The following PTPRH variants were observed in gnomAD, a reference collection of about 807,000 sequenced individuals.
PTPRH encodes protein tyrosine phosphatase receptor type H.
PTPRH carries 113 observed loss-of-function variants against 130.2 expected under a neutral mutation model. The observed-to-expected ratio is 0.87, with a 90% CI of 0.75 to 1.01. The LOEUF (loss-of-function observed/expected upper bound fraction) is 1.01. Among genes scored for constraint, PTPRH ranks in the 50% least tolerant of loss-of-function variants. The pLI, the probability that PTPRH is intolerant of heterozygous loss-of-function variation, is 0.00. For synonymous variants in PTPRH, 556 were observed against 577.9 expected (o/e 0.96, Z 0.54); for missense variants, 1,430 against 1,425.0 (o/e 1.00, Z -0.06).
chr19:55,196,404 A>G, intron 10 of PTPRH, 118 bp downstream of exon 10: 2 of 1,307,088 alleles, frequency 1.5e-6, no homozygotes, highest in Non-Finnish European at 1.0e-6. Flanking sequence ...ACAAAATAAA[A>G]AAGATGTTTC....
intron 8 of PTPRH, 32 bp from the exon 9 acceptor site, chr19:55,197,448 A>G: frequency 6.3e-7 from 1 of 1,584,672 alleles, no homozygotes. Flanking sequence ...CTAAGGGGGT[A>G]TCCTCGAAGA....
intron 18 of PTPRH, 69 bp from the exon 19 acceptor site, chr19:55,182,220 G>A (rs2086198235): frequency 1.6e-5 from 24 of 1,526,764 alleles, no homozygotes; most frequent in Non-Finnish European, 2.1e-5. Flanking sequence ...TGGCTGATTG[G>A]AGGGATCTGT....
chr19:55,197,268 A>G lies in PTPRH; in HGVS notation c.1839T>C (p.Asp613=), dbSNP rs765211050. 1.2e-6 allele frequency: 2 copies of G among 1,614,020 alleles called. No homozygotes were observed. The highest frequency in any genetic ancestry group is 1.7e-6 in the Non-Finnish European group (2 of 1,180,032). ...ASKGHPRRGQ[D]PQANWVNQTS... is the part of the protein sequence containing the mutation. ...TCTGGTTGACCCAATTCGCTTGGGG[A>G]TCTTGCCCCCTCCGGGGATGTCCCT... is the stretch of plus-strand genomic sequence containing the variant. The change falls in exon 9 of 20, where the codon GAT becomes GAC. Residue 613 remains aspartate, a synonymous_variant. Transcript: ENST00000376350.
Position 55,196,604 on chromosome 19 carries a change from C to G in PTPRH, c.2175G>C (p.Arg725=). 6.2e-7 allele frequency: 1 copy of G among 1,613,816 alleles called. No individual in the cohort carries two copies. Among genetic ancestry groups the G allele is most frequent in the South Asian group, 1.1e-5 (1 of 91,046 alleles). The stretch of plus-strand genomic sequence containing the variant: ...TGGTCGTGATGGTGGCTGGGTAGGA[C>G]CGAGCCGGCCCGAGACCCAACACAG... ...AVSVLGLGPA[R]SYPATITTIW... Residue 725 remains arginine, a synonymous_variant, in exon 10 of 20, where the codon CGG becomes CGC. Transcript: ENST00000376350.
intron 10 of PTPRH, among the ~76,000 whole-genome samples, chr19:55,194,839 G>A (rs2086639075): frequency 6.6e-6 from 1 of 152,126 alleles, no homozygotes; most frequent in African/African-American, 2.4e-5. Context: ...TACCCATAAT[G>A]GTCAAAAGTG....
intron 12 of PTPRH, among the ~76,000 whole-genome samples, chr19:55,190,560 A>G (rs913037543): frequency 6.9e-5 from 9 of 129,900 alleles, no homozygotes; most frequent in South Asian, 2.2e-4. Flanking sequence ...AATATATTAT[A>G]TATATAACAT....
At chr19:55,205,694 C>T (rs1229557161) in intron 3 of PTPRH, 102 bp from the exon 4 acceptor site, 3 of 1,536,170 alleles carry the variant, frequency 2.0e-6, no homozygotes, top group Non-Finnish European at 2.6e-6. Flanking sequence ...GCAGGGAGGC[C>T]CAGCTCTGCA....
rs2086199825 is a variant in PTPRH, at chr19:55,182,279, ACTT to A, written c.3063-131_3063-129del. 67 of 1,162,102 alleles carry A rather than the reference ACTT, an allele frequency of 5.8e-5. No homozygotes were observed. The South Asian group carries it at 1.0e-3, about 18-fold the overall frequency. 72.0% of individuals were successfully genotyped at this position (1,162,102 alleles called of 1,614,324 possible). A position where few individuals can be genotyped will look rare whatever the true frequency, so the allele number is the denominator to read the frequency against. On this transcript the variant is annotated intron_variant, in intron 18 of 19. Coordinates refer to ENST00000376350, the MANE Select transcript of PTPRH (RefSeq NM_002842.5). ...GCCTGCTCACACCTGTAATCCCAGCACTTTGGGAGGCTGAGGCCGGTGGATCAC... is the reference window on the plus strand; with the variant it reads ...GCCTGCTCACACCTGTAATCCCAGCATGGGAGGCTGAGGCCGGTGGATCAC...
rs750469902 is a variant in PTPRH, at chr19:55,186,343, T to C, written c.2660A>G (p.Gln887Arg). The change falls in exon 16 of 20, where the codon CAG (glutamine) becomes CGG (arginine). Residue 887 changes from glutamine (Q) to arginine (R), a missense_variant. Coordinates refer to ENST00000376350, the MANE Select transcript of PTPRH (RefSeq NM_002842.5). ...GGGACCCTGGGTTGCAATGAACTCC[T>C]GGGGGCTCCAGAGACCCTGGTTGAG... Reference protein sequence around the residue: ...ASFMPGLWSPQEFIATQGPLP... With the variant: ...ASFMPGLWSPREFIATQGPLP... 5.6e-6 allele frequency: 9 copies of C among 1,613,754 alleles called. No individual in the cohort carries two copies. The highest frequency in any genetic ancestry group is 1.7e-6 in the Non-Finnish European group (2 of 1,179,888).
intron 7 of PTPRH, among the ~76,000 whole-genome samples, chr19:55,199,417 C>T (rs1447673617): frequency 2.6e-5 from 4 of 152,132 alleles, no homozygotes; most frequent in Admixed American, 1.3e-4. Context: ...CAAGCTTGGG[C>T]AACATGGCAA....
intron 18 of PTPRH, among the ~76,000 whole-genome samples, chr19:55,184,765 C>T (rs527844564): frequency 2.8e-4 from 42 of 150,702 alleles, no homozygotes; most frequent in Non-Finnish European, 5.0e-4. Flanking sequence ...CCACCCTGGG[C>T]GACAGGGAGA....
rs2122375074 is a variant in PTPRH at position 55,207,343 on chromosome 19, C to CTA, written c.52-145_52-144insTA. Reference sequence around the variant, plus strand: ...AGGGGCCGGTGTTAGGCTGGGCTGTCACGACCTCGACCGTCTTTCCTGGGT... The same window carrying CTA: ...AGGGGCCGGTGTTAGGCTGGGCTGTCTAACGACCTCGACCGTCTTTCCTGGGT... On this transcript the variant is annotated intron_variant, in intron 1 of 19. Coordinates refer to ENST00000376350, the MANE Select transcript of PTPRH (RefSeq NM_002842.5). The CTA allele has an allele frequency of 3.6e-6, 3 of 837,424 alleles. No individual in the cohort carries two copies. The East Asian group carries it at 8.2e-5, about 23-fold the overall frequency. The allele number at this position is 837,424 out of a possible 1,614,324, so 51.9% of individuals were successfully genotyped here. A position where few individuals can be genotyped will look rare whatever the true frequency, so the allele number is the denominator to read the frequency against.
At chr19:55,184,616 A>T (rs1438640476) in intron 18 of PTPRH, among the ~76,000 whole-genome samples, 1 of 151,598 alleles carries the variant, frequency 6.6e-6, no homozygotes, top group African/African-American at 2.4e-5. Flanking sequence ...GTGAAACCCC[A>T]TCTCTACTAA....
At position 55,197,029 on chromosome 19, in the gene PTPRH, T is replaced by C. The variant is rs549053872; in HGVS notation, c.1990+88A>G. The C allele has an allele frequency of 1.3e-5, 19 of 1,498,766 alleles. No individual in the cohort carries two copies. The Admixed American group carries it at 1.3e-4, about 10-fold the overall frequency. The allele number at this position is 1,498,766 out of a possible 1,614,324, so 92.8% of individuals were successfully genotyped here. A position where few individuals can be genotyped will look rare whatever the true frequency, so the allele number is the denominator to read the frequency against. Reference sequence around the variant, plus strand: ...CATGAAGTCATGGCCTGTGGCCTGATGGAATTTGTATTCCATTCATCTCTC... The same window carrying C: ...CATGAAGTCATGGCCTGTGGCCTGACGGAATTTGTATTCCATTCATCTCTC... On this transcript the variant is annotated intron_variant, in intron 9 of 19. Coordinates refer to ENST00000376350, the MANE Select transcript of PTPRH (RefSeq NM_002842.5).
intron 10 of PTPRH, 45 bp downstream of exon 10, chr19:55,196,477 C>A: frequency 6.3e-7 from 1 of 1,580,880 alleles, no homozygotes; most frequent in South Asian, 1.1e-5. Context: ...ATGGGGTCTA[C>A]CGAGAATTTC....
intron 10 of PTPRH, chr19:55,193,866 GA>G (rs1240738636): frequency 5.6e-6 from 1 of 177,040 alleles, no homozygotes; most frequent in African/African-American, 2.5e-5. Flanking sequence ...TTTGTTTTTT[GA>G]GACGGAGTTT....
Position 55,209,301 on chromosome 19 carries a change from C to G in PTPRH, c.51+82G>C, listed in dbSNP as rs1340919560. 4 of 1,202,306 alleles carry G rather than the reference C, an allele frequency of 3.3e-6. No homozygotes were observed. Among genetic ancestry groups the G allele is most frequent in the African/African-American group, 1.5e-5 (1 of 66,490 alleles). 74.5% of individuals were successfully genotyped at this position (1,202,306 alleles called of 1,614,324 possible). On this transcript the variant is annotated intron_variant, in intron 1 of 19. Transcript: ENST00000376350. This position sits in a 1 kb window ranked among gnomAD's most constrained non-coding sequence, Gnocchi z 4.1. ...TCTTCAGCACCTACTTCCTCAAGAT[C>G]GAGGTGCAGGCACCCAGCTCCTTCT...
chr19:55,185,844 G>A lies in PTPRH; in HGVS notation c.2901+18C>T, dbSNP rs199696531. The A allele has an allele frequency of 3.5e-5, 57 of 1,614,066 alleles. No homozygotes were observed. Among genetic ancestry groups the A allele is most frequent in the Non-Finnish European group, 4.4e-5 (52 of 1,180,006 alleles). On this transcript the variant is annotated intron_variant, in intron 17 of 19. Transcript: ENST00000376350. ...ACAGGGGAAGGCTGAGGGCCAGGAC[G>A]GGGCTGGACACACGCACCTGGAGGA...
At chr19:55,199,775 AAGAG>A (rs765719960) in intron 7 of PTPRH, among the ~76,000 whole-genome samples, 5 of 149,558 alleles carry the variant, frequency 3.3e-5, no homozygotes, top group East Asian at 3.9e-4. Context: ...GAAAGAAAGA[AAGAG>A]AGAGAGACAG....
Sources: allele counts gnomAD v4.1 joint callset (sites outside exome capture counted in the v4.1 genomes callset), GRCh38; gene constraint gnomAD v4.1.1; non-coding constraint Gnocchi (gnomAD v3.1); transcripts MANE v1.5; gene names NCBI Gene and HGNC (gene_info 2026-07-23, HGNC 2026-07-21).